The following FCRL4 variants were observed in gnomAD, a reference collection of about 807,000 sequenced individuals.
The protein encoded by FCRL4 is Fc receptor like 4.
A neutral mutation model predicts 64.1 loss-of-function variants in FCRL4; 43 were observed. That is an observed-to-expected ratio of 0.67 (90% confidence interval 0.53 to 0.87). The LOEUF (loss-of-function observed/expected upper bound fraction) is 0.87, where lower values mean the gene tolerates loss of function less well. Among genes scored for constraint, FCRL4 ranks in the 40% least tolerant of loss-of-function variants. The pLI is 0.00. For missense variants in FCRL4, 656 were observed against 613.5 expected (o/e 1.07, Z -0.73); for synonymous variants, 253 against 239.8 (o/e 1.05, Z -0.51).
intron 1 of FCRL4, among the ~76,000 whole-genome samples, chr1:157,597,459 T>G (rs552133605): frequency 6.6e-6 from 1 of 152,346 alleles, no homozygotes; most frequent in East Asian, 1.9e-4. Flanking sequence ...TCTCTTCTCA[T>G]GCTCTTTGCA....
intron 2 of FCRL4, among the ~76,000 whole-genome samples, chr1:157,592,502 C>T (rs1418748094): frequency 4.6e-5 from 7 of 152,124 alleles, no homozygotes; most frequent in Admixed American, 1.3e-4. Flanking sequence ...TCATCACTGG[C>T]CATCAGAGAA....
intron 4 of FCRL4, 78 bp from the exon 5 acceptor site, chr1:157,587,638 C>T: frequency 1.4e-6 from 2 of 1,466,816 alleles, no homozygotes; most frequent in South Asian, 2.5e-5. Context: ...GATGCTCAGT[C>T]CCAGGAAACT....
At chr1:157,595,765 G>A (rs1571146595) in intron 2 of FCRL4, among the ~76,000 whole-genome samples, 1 of 152,208 alleles carries the variant, frequency 6.6e-6, no homozygotes, top group African/African-American at 2.4e-5. Context: ...CAGCTCCTAG[G>A]GTGCTCTATA....
At chr1:157,585,399 T>A (rs866109487) in intron 6 of FCRL4, among the ~76,000 whole-genome samples, 1 of 137,656 alleles carries the variant, frequency 7.3e-6, no homozygotes, top group Non-Finnish European at 1.5e-5. Context: ...TCTTTCCTTC[T>A]TTCTTTCTTT....
At chr1:157,594,959 C>A (rs1354149677) in intron 2 of FCRL4, among the ~76,000 whole-genome samples, 1 of 152,158 alleles carries the variant, frequency 6.6e-6, no homozygotes, top group Admixed American at 6.6e-5. Flanking sequence ...ACTGCAGTGG[C>A]CTGATCTCAG....
rs1158259239 is a variant in FCRL4, at chr1:157,596,355, G to T, written c.32-7C>A. On this transcript the variant is annotated splice_region_variant and splice_polypyrimidine_tract_variant and intron_variant, in intron 1 of 11. Transcript: ENST00000271532. The stretch of plus-strand genomic sequence containing the variant: ...GATTGTCCACAGACTGGAGCTGAAA[G>T]AGAGTAAAGAGCCAGCCATCAGCGT... 1 of 1,613,954 alleles carries T rather than the reference G, an allele frequency of 6.2e-7. No homozygotes were observed. The highest frequency in any genetic ancestry group is 1.3e-5 in the African/African-American group (1 of 75,038).
At chr1:157,576,388 C>T (rs1652416105) in intron 10 of FCRL4, among the ~76,000 whole-genome samples, 1 of 152,166 alleles carries the variant, frequency 6.6e-6, no homozygotes, top group African/African-American at 2.4e-5. Flanking sequence ...CATATTCTTA[C>T]CCCAAACCTT....
intron 4 of FCRL4, 149 bp from the exon 5 acceptor site, chr1:157,587,709 A>T: frequency 8.9e-7 from 1 of 1,121,890 alleles, no homozygotes; most frequent in Non-Finnish European, 1.3e-6. Context: ...CTACAGGATT[A>T]TTCAGGTCCA....
At chr1:157,578,664 T>C in intron 9 of FCRL4, 106 bp downstream of exon 9, 1 of 1,410,010 alleles carries the variant, frequency 7.1e-7, no homozygotes, top group Non-Finnish European at 1.0e-6. Flanking sequence ...TGGGAATATC[T>C]GGATTTGGGA....
intron 2 of FCRL4, among the ~76,000 whole-genome samples, chr1:157,595,732 G>T (rs1179574561): frequency 6.6e-6 from 1 of 152,236 alleles, no homozygotes. Context: ...CCTCAAGGGG[G>T]CCAAGGCCCT....
intron 7 of FCRL4, among the ~76,000 whole-genome samples, chr1:157,581,053 C>T (rs1652546996): frequency 6.6e-6 from 1 of 152,092 alleles, no homozygotes; most frequent in East Asian, 1.9e-4. Context: ...CAAGCCTGCT[C>T]AGAAAAGCCC....
rs919861272 is a variant in FCRL4, at chr1:157,575,025, T to C, written c.*499A>G. The C allele has an allele frequency of 8.5e-6, 2 of 235,164 alleles. No individual in the cohort carries two copies. The highest frequency in any genetic ancestry group is 1.7e-5 in the Non-Finnish European group (2 of 118,946). 14.6% of individuals were successfully genotyped at this position (235,164 alleles called of 1,614,324 possible). A position where few individuals can be genotyped will look rare whatever the true frequency, so the allele number is the denominator to read the frequency against. ...ACAGTGTAAGCTGTGCAGGCAGAAGTGAAGGGGCTTTTCATTGTTTGCACA... is the reference window on the plus strand; with the variant it reads ...ACAGTGTAAGCTGTGCAGGCAGAAGCGAAGGGGCTTTTCATTGTTTGCACA... On this transcript the variant is annotated 3_prime_UTR_variant, in exon 12 of 12. Transcript: ENST00000271532.
Position 157,575,572 on chromosome 1 carries a change from G to T in FCRL4, c.1500C>A (p.His500Gln). 1.9e-6 allele frequency: 3 copies of T among 1,613,890 alleles called. No individual in the cohort carries two copies. Among genetic ancestry groups the T allele is most frequent in the Non-Finnish European group, 8.5e-7 (1 of 1,179,826 alleles). The change falls in exon 12 of 12, where the codon CAC becomes CAA. Residue 500 changes from histidine (H) to glutamine (Q), a missense_variant. Physicochemically the swap from His to Gln is conservative, Grantham distance 24 (BLOSUM62 0). Transcript: ENST00000271532. ...TGATCTTTCCAGCTGAGTTATCTGG[G>T]TGTTGTGTCTTTACCTCAGAGTAGA... ...SVVYSEVKTQ[H>Q]PDNSAGKISS...
rs1331233314 is a variant in FCRL4 at position 157,578,542 on chromosome 1, A to G, written c.1361T>C (p.Val454Ala). 2 of 1,613,512 alleles carry G rather than the reference A, an allele frequency of 1.2e-6. No individual in the cohort carries two copies. The highest frequency in any genetic ancestry group is 1.7e-6 in the Non-Finnish European group (2 of 1,179,460). ...QVELQSLYVD[V>A]HPKKGDLVYS... is the part of the protein sequence containing the mutation. Reference sequence around the variant, plus strand: ...TACCAAATCTCCCTTTTTGGGGTGTACTGGAAAGAAAAGACATTTTCAAGG... The same window carrying G: ...TACCAAATCTCCCTTTTTGGGGTGTGCTGGAAAGAAAAGACATTTTCAAGG... The change falls in exon 10 of 12, where the codon GTA (valine) becomes GCA (alanine). Residue 454 changes from valine (V) to alanine (A), a missense_variant and splice_region_variant. Transcript: ENST00000271532.
chr1:157,583,766 T>A (rs1002158157), intron 6 of FCRL4, among the ~76,000 whole-genome samples: 2 of 152,240 alleles, frequency 1.3e-5, no homozygotes, highest in Non-Finnish European at 2.9e-5. Context: ...ACAGCCCACC[T>A]TAGCCCAGTG....
chr1:157,590,872 T>A (rs1324399214), intron 2 of FCRL4, among the ~76,000 whole-genome samples: 1 of 152,192 alleles, frequency 6.6e-6, no homozygotes, highest in Non-Finnish European at 1.5e-5. Flanking sequence ...CCTGTAGGAA[T>A]CAAGAGAACC....
intron 6 of FCRL4, among the ~76,000 whole-genome samples, chr1:157,585,358 CTT>C (rs1652659228): frequency 1.2e-5 from 1 of 83,722 alleles, no homozygotes; most frequent in African/African-American, 5.5e-5. Flanking sequence ...TTCTTTCTTT[CTT>C]TCTTTCTTTC....
Position 157,574,330 on chromosome 1 carries a change from C to T in FCRL4, c.*1194G>A. Reference sequence around the variant, plus strand: ...TTTAAACAAATTCCTTTTCTCCATGCATTTTCTATAAAACAAGTATTCAGT... The same window carrying T: ...TTTAAACAAATTCCTTTTCTCCATGTATTTTCTATAAAACAAGTATTCAGT... On this transcript the variant is annotated 3_prime_UTR_variant, in exon 12 of 12. Coordinates refer to ENST00000271532, the MANE Select transcript of FCRL4 (RefSeq NM_031282.3). The T allele has an allele frequency of 4.7e-6, 1 of 213,494 alleles. No individual in the cohort carries two copies. The highest frequency in any genetic ancestry group is 9.5e-6 in the Non-Finnish European group (1 of 105,582). The allele number at this position is 213,494 out of a possible 1,614,324, so 13.2% of individuals were successfully genotyped here.
chr1:157,576,552 C>G (rs1571133534), intron 10 of FCRL4, among the ~76,000 whole-genome samples: 1 of 152,276 alleles, frequency 6.6e-6, no homozygotes, highest in Admixed American at 6.5e-5. Flanking sequence ...ATTAATAATT[C>G]AAGTGTCTGA....
Sources: allele counts gnomAD v4.1 joint callset (sites outside exome capture counted in the v4.1 genomes callset), GRCh38; gene constraint gnomAD v4.1.1; transcripts MANE v1.5; gene names NCBI Gene and HGNC (gene_info 2026-07-23, HGNC 2026-07-21).